The following HCN1 variants were observed in gnomAD, a reference collection of about 807,000 sequenced individuals.
HCN1 encodes the protein hyperpolarization activated cyclic nucleotide gated potassium channel 1.
A neutral mutation model predicts 78.9 loss-of-function variants in HCN1; 13 were observed. That is an observed-to-expected ratio of 0.16 (90% CI 0.11 to 0.26). HCN1 has a LOEUF of 0.26. HCN1 is among the 10% of genes least tolerant of loss of function. The pLI, the probability that HCN1 is intolerant of heterozygous loss-of-function variation, is 1.00. For synonymous variants in HCN1, 552 were observed against 455.5 expected, an observed-to-expected ratio of 1.21 and a Z score of -2.70; for missense variants, 810 against 1,154.3, an observed-to-expected ratio of 0.70 and a Z score of 4.32.
intron 2 of HCN1, among the ~76,000 whole-genome samples, chr5:45,542,808 T>C (rs1471752217): frequency 6.6e-6 from 1 of 152,154 alleles, no homozygotes; most frequent in Non-Finnish European, 1.5e-5. Context: ...TACACTGAAA[T>C]ATTTAACATC....
intron 2 of HCN1, among the ~76,000 whole-genome samples, chr5:45,521,773 T>C (rs1045596609): frequency 7.2e-5 from 11 of 152,102 alleles, no homozygotes; most frequent in African/African-American, 2.6e-4. Context: ...GTGGTCTAAA[T>C]ATTAAATAAC....
intron 2 of HCN1, among the ~76,000 whole-genome samples, chr5:45,596,634 T>C (rs1265750724): frequency 6.6e-6 from 1 of 152,192 alleles, no homozygotes; most frequent in Non-Finnish European, 1.5e-5. Context: ...TTTCTCCCTG[T>C]CAAATTGCCA....
At chr5:45,531,837 C>T (rs1237980442) in intron 2 of HCN1, among the ~76,000 whole-genome samples, 2 of 152,066 alleles carry the variant, frequency 1.3e-5, no homozygotes, top group East Asian at 1.9e-4. Context: ...CACAGGAACT[C>T]GAGGCTAGCC....
In HCN1 at chr5:45,671,760, CTG is replaced by C. The variant is rs1416760366; in HGVS notation, c.425+23907_425+23908del. ...TATAAACAATAGTTAAATATTAAGA[CTG>C]TATATTTTATAAGTCTGACATGGTT... is the stretch of plus-strand genomic sequence containing the variant. On this transcript the variant is annotated intron_variant, in intron 1 of 7. Transcript: ENST00000303230. 4.6e-5 allele frequency among the ~76,000 whole-genome samples: 7 copies of C among 151,548 alleles called. No homozygotes were observed. In the East Asian group the frequency reaches 1.4e-3, roughly 29 times the overall value.
At chr5:45,308,550 G>C (rs1745784825) in intron 5 of HCN1, among the ~76,000 whole-genome samples, 1 of 152,114 alleles carries the variant, frequency 6.6e-6, no homozygotes. Flanking sequence ...GGGTTAAGCA[G>C]CAGGCCTGGA....
chr5:45,394,441 A>G (rs1739645889), intron 4 of HCN1, among the ~76,000 whole-genome samples: 1 of 152,186 alleles, frequency 6.6e-6, no homozygotes, highest in Non-Finnish European at 1.5e-5. Flanking sequence ...GCAAATCACC[A>G]AAGAAGCTGC....
At chr5:45,522,144 T>C (rs1209592310) in intron 2 of HCN1, among the ~76,000 whole-genome samples, 1 of 152,030 alleles carries the variant, frequency 6.6e-6, no homozygotes, top group Admixed American at 6.6e-5. Context: ...CTTTAAAATA[T>C]AGAAATTTAC....
At chr5:45,319,394 C>A (rs1561104450) in intron 5 of HCN1, among the ~76,000 whole-genome samples, 1 of 151,808 alleles carries the variant, frequency 6.6e-6, no homozygotes, top group African/African-American at 2.4e-5. Flanking sequence ...GTCGACATAT[C>A]TGACTGTTTT....
chr5:45,303,810 C>A lies in HCN1; in HGVS notation c.1407G>T (p.Leu469=), dbSNP rs1745674241. 6.2e-7 allele frequency: 1 copy of A among 1,613,202 alleles called. No homozygotes were observed. Among genetic ancestry groups the A allele is most frequent in the Non-Finnish European group, 8.5e-7 (1 of 1,179,482 alleles). The change falls in exon 6 of 8, where the codon CTG becomes CTT. Residue 469 remains leucine, a synonymous_variant. Transcript: ENST00000303230. ...EEIVNFNCRK[L]VATMPLFANA... is the part of the protein sequence containing the mutation. ...TAGCAAATAAAGGCATTGTAGCCAC[C>A]AGTTTCCGACAGTTGAAGTTGACTA...
rs531512653 is a variant in HCN1 at position 45,293,479 on chromosome 5, A to AAAAAC, written c.1618+10115_1618+10119dup. On this transcript the variant is annotated intron_variant, in intron 6 of 7. Coordinates refer to ENST00000303230, the MANE Select transcript of HCN1 (RefSeq NM_021072.4). Reference sequence around the variant, plus strand: ...GGTGACAGAGCAAGACATGGTCTACAAAAACAAAACAAAACAAAACAAAAC... The same window carrying AAAAAC: ...GGTGACAGAGCAAGACATGGTCTACAAAAACAAAACAAAACAAAACAAAACAAAAC... 7.8e-3 allele frequency among the ~76,000 whole-genome samples: 1,178 copies of AAAAAC among 151,940 alleles called. 14 individuals carry two copies. The highest frequency in any genetic ancestry group is 0.027 in the East Asian group (137 of 5,124).
At chr5:45,443,940 T>C (rs946002311) in intron 3 of HCN1, among the ~76,000 whole-genome samples, 4 of 152,134 alleles carry the variant, frequency 2.6e-5, no homozygotes, top group Non-Finnish European at 5.9e-5. Context: ...TTCATCATCC[T>C]GATCTGCCAT....
chr5:45,373,629 C>T (rs575730138), intron 4 of HCN1, among the ~76,000 whole-genome samples: 13 of 132,244 alleles, frequency 9.8e-5, no homozygotes, highest in South Asian at 2.3e-4. Context: ...ATATTACATA[C>T]GGTATATACG....
intron 2 of HCN1, among the ~76,000 whole-genome samples, chr5:45,504,581 G>C (rs1470378363): frequency 2.0e-5 from 3 of 152,224 alleles, no homozygotes; most frequent in Admixed American, 6.5e-5. Flanking sequence ...TGTCTTTATA[G>C]CAGCATGATT....
At chr5:45,658,549 C>A (rs1193260193) in intron 1 of HCN1, among the ~76,000 whole-genome samples, 2 of 152,092 alleles carry the variant, frequency 1.3e-5, no homozygotes, top group Non-Finnish European at 2.9e-5. Context: ...GTAACGGGTT[C>A]ATCTCACTAG....
chr5:45,677,443 T>C (rs1385336064), intron 1 of HCN1, among the ~76,000 whole-genome samples: 1 of 151,616 alleles, frequency 6.6e-6, no homozygotes, highest in Middle Eastern at 3.2e-3. Context: ...TGTGCAGACA[T>C]GTAGGAAAAC....
intron 5 of HCN1, among the ~76,000 whole-genome samples, chr5:45,339,417 A>G (rs1476452625): frequency 6.6e-6 from 1 of 152,166 alleles, no homozygotes; most frequent in Non-Finnish European, 1.5e-5. Flanking sequence ...TAGCATGAAG[A>G]AAGGCAAAAA....
chr5:45,617,577 T>C (rs1393171854), intron 2 of HCN1, among the ~76,000 whole-genome samples: 1 of 152,110 alleles, frequency 6.6e-6, no homozygotes. Context: ...CATTTCCCAC[T>C]TTTTAGGTAG....
chr5:45,478,130 G>A (rs1741559805), intron 2 of HCN1, among the ~76,000 whole-genome samples: 1 of 151,900 alleles, frequency 6.6e-6, no homozygotes, highest in Non-Finnish European at 1.5e-5. Context: ...CTCCAGCCTG[G>A]GTGACAATGA....
intron 2 of HCN1, among the ~76,000 whole-genome samples, chr5:45,538,083 G>A (rs1369497603): frequency 1.3e-5 from 2 of 151,516 alleles, no homozygotes; most frequent in South Asian, 2.1e-4. Flanking sequence ...AGAAAGGGGT[G>A]CAAAATCATT....
Sources: allele counts gnomAD v4.1 joint callset (sites outside exome capture counted in the v4.1 genomes callset), GRCh38; gene constraint gnomAD v4.1.1; transcripts MANE v1.5; gene names NCBI Gene and HGNC (gene_info 2026-07-23, HGNC 2026-07-21).